CSMD1: variants seen among roughly 807,000 people sequenced by gnomAD.
CSMD1 encodes CUB and Sushi multiple domains 1, also known as CUB and sushi domain-containing protein 1.
Under a neutral mutation model 417.5 loss-of-function variants are expected in CSMD1, and 213 were observed. The ratio of observed to expected loss-of-function variants is 0.51; its 90% confidence interval spans 0.46 to 0.57. CSMD1 has a LOEUF of 0.57. CSMD1 is among the 20% of genes least tolerant of loss of function. The pLI, the probability that CSMD1 is intolerant of heterozygous loss-of-function variation, is 0.00. For missense variants in CSMD1, 6,923 were observed against 4,529.7 expected, an observed-to-expected ratio of 1.53 and a Z score of -15.17; for synonymous variants, 2,862 against 1,736.8, an observed-to-expected ratio of 1.65 and a Z score of -16.11.
At chr8:3,919,377 A>C (rs1273353318) in intron 5 of CSMD1, among the ~76,000 whole-genome samples, 4 of 151,924 alleles carry the variant, frequency 2.6e-5, no homozygotes, top group Non-Finnish European at 4.4e-5. Context: ...TCTCAATCTC[A>C]TGTGTTGAAG....
intron 3 of CSMD1, among the ~76,000 whole-genome samples, chr8:4,403,765 C>T (rs776290183): frequency 1.3e-4 from 20 of 152,134 alleles, no homozygotes; most frequent in Non-Finnish European, 2.4e-4. Context: ...ACTCCACTTA[C>T]GTTTCCATCT....
intron 3 of CSMD1, among the ~76,000 whole-genome samples, chr8:4,126,299 T>C (rs1052387047): frequency 2.6e-5 from 4 of 152,324 alleles, no homozygotes; most frequent in Middle Eastern, 3.4e-3. Context: ...GCAATGTCCC[T>C]GTTGATAAAT....
At chr8:3,941,009 A>G (rs575180032) in intron 5 of CSMD1, among the ~76,000 whole-genome samples, 1 of 152,120 alleles carries the variant, frequency 6.6e-6, no homozygotes, top group South Asian at 2.1e-4. Context: ...TAATAGATGT[A>G]CATATTTCCA....
chr8:3,586,122 C>A lies in CSMD1; in HGVS notation c.1222+14G>T, dbSNP rs919125944. Reference sequence around the variant, plus strand: ...AAGAGATAATCCAGGCTTTACCCACCGCAGGTGCCTTACCTCGGCAGATGG... The same window carrying A: ...AAGAGATAATCCAGGCTTTACCCACAGCAGGTGCCTTACCTCGGCAGATGG... On this transcript the variant is annotated intron_variant, in intron 9 of 69. Coordinates refer to ENST00000635120, the MANE Select transcript of CSMD1 (RefSeq NM_033225.6). The A allele has an allele frequency of 6.2e-7, 1 of 1,608,024 alleles. No homozygotes were observed. The highest frequency in any genetic ancestry group is 8.5e-7 in the Non-Finnish European group (1 of 1,177,806).
chr8:4,333,057 G>A (rs1014680489), intron 3 of CSMD1, among the ~76,000 whole-genome samples: 1 of 151,858 alleles, frequency 6.6e-6, no homozygotes, highest in East Asian at 1.9e-4. Context: ...TAAATGTCAA[G>A]AGCGTTTCAT....
intron 46 of CSMD1, among the ~76,000 whole-genome samples, chr8:3,106,222 C>CA (rs71199537): frequency 0.22 from 28,372 of 126,192 alleles, 3,414 homozygotes; most frequent in Non-Finnish European, 0.28. Flanking sequence ...CCCATTTCTA[C>CA]AAAAAAAAAA....
At chr8:3,848,071 C>T (rs576739925) in intron 5 of CSMD1, among the ~76,000 whole-genome samples, 1 of 135,852 alleles carries the variant, frequency 7.4e-6, no homozygotes. Context: ...GGTGATATTT[C>T]TCTCTCTCTC....
At chr8:3,845,823 TCTA>T (rs1275687277) in intron 5 of CSMD1, among the ~76,000 whole-genome samples, 1 of 151,886 alleles carries the variant, frequency 6.6e-6, no homozygotes, top group Non-Finnish European at 1.5e-5. Flanking sequence ...TGTGCTTTCT[TCTA>T]TTTAATTTTT....
intron 5 of CSMD1, among the ~76,000 whole-genome samples, chr8:3,974,567 G>C (rs1383375750): frequency 1.3e-5 from 2 of 151,842 alleles, no homozygotes; most frequent in African/African-American, 2.4e-5. Flanking sequence ...TTTGCTTTCA[G>C]AACTAGTGGC....
chr8:3,243,986 C>T (rs146409995), intron 26 of CSMD1, among the ~76,000 whole-genome samples: 24 of 152,174 alleles, frequency 1.6e-4, no homozygotes, highest in Admixed American at 8.5e-4. Flanking sequence ...GCTTAGCATA[C>T]GCATCATTTA....
chr8:4,191,084 A>G (rs561805000), intron 3 of CSMD1, among the ~76,000 whole-genome samples: 4 of 144,062 alleles, frequency 2.8e-5, no homozygotes, highest in African/African-American at 1.2e-4. Context: ...CATGGATTAA[A>G]ATAAAATAAA....
intron 2 of CSMD1, among the ~76,000 whole-genome samples, chr8:4,597,147 G>C (rs1160906558): frequency 3.3e-5 from 5 of 151,882 alleles, no homozygotes; most frequent in Non-Finnish European, 7.4e-5. Context: ...AACAAAAGCA[G>C]TTTCCTCTCC....
At chr8:4,970,637 T>A (rs1810182230) in intron 1 of CSMD1, among the ~76,000 whole-genome samples, 1 of 152,212 alleles carries the variant, frequency 6.6e-6, no homozygotes, top group South Asian at 2.1e-4. Flanking sequence ...CTTGTGTGAC[T>A]TAAACACATC....
intron 33 of CSMD1, among the ~76,000 whole-genome samples, chr8:3,190,909 A>C (rs879284201): frequency 5.1e-4 from 77 of 152,218 alleles, no homozygotes; most frequent in African/African-American, 1.4e-3. Flanking sequence ...GGGGAGATCT[A>C]AAGTAGTGGC....
In CSMD1 at chr8:4,248,115, A is replaced by AT. The variant is rs571532920; in HGVS notation, c.415+171837dup. 2.1e-3 allele frequency among the ~76,000 whole-genome samples: 318 copies of AT among 151,950 alleles called. 2 individuals carry two copies. The highest frequency in any genetic ancestry group is 7.0e-3 in the African/African-American group (291 of 41,452). ...TTATTTTTGTGTATATTTCCAGTTT[A>AT]TTTTTTTTAAACAAATGGGCTATTT... On this transcript the variant is annotated intron_variant, in intron 3 of 69. Coordinates refer to ENST00000635120, the MANE Select transcript of CSMD1 (RefSeq NM_033225.6).
At chr8:4,202,048 T>C (rs1799686255) in intron 3 of CSMD1, among the ~76,000 whole-genome samples, 1 of 152,210 alleles carries the variant, frequency 6.6e-6, no homozygotes, top group Admixed American at 6.5e-5. Context: ...CCAGTCCTGC[T>C]GTGGGTTGGC....
chr8:3,976,229 T>C (rs1813427215), intron 5 of CSMD1, among the ~76,000 whole-genome samples: 4 of 152,204 alleles, frequency 2.6e-5, no homozygotes, highest in Admixed American at 2.6e-4. Context: ...AAAAATACTT[T>C]AAATACCATT....
intron 2 of CSMD1, among the ~76,000 whole-genome samples, chr8:4,622,061 G>A (rs905056856): frequency 6.6e-6 from 1 of 151,274 alleles, no homozygotes; most frequent in African/African-American, 2.4e-5. Flanking sequence ...AAATCTACAA[G>A]CAACATATTA....
chr8:4,060,924 A>C lies in CSMD1; in HGVS notation c.416-28825T>G, dbSNP rs548412871. ...AAGCCTGTTTCCCATTTGCAGTAGAAGAAACCAACATAGAAGCTTCTCATT... is the reference window on the plus strand; with the variant it reads ...AAGCCTGTTTCCCATTTGCAGTAGACGAAACCAACATAGAAGCTTCTCATT... On this transcript the variant is annotated intron_variant, in intron 3 of 69. Transcript: ENST00000635120. 3.3e-5 allele frequency among the ~76,000 whole-genome samples: 5 copies of C among 152,336 alleles called. No homozygotes were observed. In the South Asian group the frequency reaches 1.0e-3, roughly 32 times the overall value.
Sources: allele counts gnomAD v4.1 joint callset (sites outside exome capture counted in the v4.1 genomes callset), GRCh38; gene constraint gnomAD v4.1.1; transcripts MANE v1.5; gene names NCBI Gene and HGNC (gene_info 2026-07-23, HGNC 2026-07-21).